FRMD4A: variants seen among roughly 807,000 people sequenced by gnomAD.
FRMD4A encodes FERM domain containing 4A.
A neutral mutation model predicts 129.1 loss-of-function variants in FRMD4A; 29 were observed. That is an observed-to-expected ratio of 0.22 (90% CI 0.17 to 0.31). The LOEUF (loss-of-function observed/expected upper bound fraction) is 0.31. FRMD4A is among the 10% of genes least tolerant of loss of function. FRMD4A has a pLI of 1.00. For synonymous variants in FRMD4A, 634 were observed against 571.6 expected, an observed-to-expected ratio of 1.11 and a Z score of -1.56; for missense variants, 1,272 against 1,375.8, an observed-to-expected ratio of 0.92 and a Z score of 1.19.
chr10:13,968,197 C>T (rs58390027), intron 2 of FRMD4A, among the ~76,000 whole-genome samples: 56,287 of 152,026 alleles, frequency 0.37, 12,727 homozygotes, highest in Non-Finnish European at 0.52. Context: ...AAATCAGAAC[C>T]GCTGGGAGTC....
At chr10:13,700,940 G>A (rs902693299) in intron 14 of FRMD4A, among the ~76,000 whole-genome samples, 1 of 146,768 alleles carries the variant, frequency 6.8e-6, no homozygotes, top group African/African-American at 2.5e-5. Flanking sequence ...CAGTTAGGTG[G>A]TGTCTATTCG....
chr10:14,083,594 A>G (rs889200251), intron 2 of FRMD4A: 3 of 152,318 alleles, frequency 2.0e-5, no homozygotes, highest in Non-Finnish European at 1.5e-5. Context: ...GTCAGTCTGT[A>G]TTCACACCTA....
chr10:13,884,103 AAC>A (rs57338480), intron 2 of FRMD4A, among the ~76,000 whole-genome samples: 1,931 of 105,670 alleles, frequency 0.018, 86 homozygotes, highest in East Asian at 0.1. Context: ...ATGGAAAAGA[AAC>A]ACACACACAC....
At chr10:13,669,945 T>C (rs1039696651) in intron 17 of FRMD4A, among the ~76,000 whole-genome samples, 3 of 152,198 alleles carry the variant, frequency 2.0e-5, no homozygotes, top group Admixed American at 1.3e-4. Context: ...CAGGTGAGGC[T>C]ATGACCACGG....
At chr10:14,111,922 T>TGGAAGGAA (rs1187520093) in intron 2 of FRMD4A, among the ~76,000 whole-genome samples, 4 of 130,430 alleles carry the variant, frequency 3.1e-5, no homozygotes, top group African/African-American at 1.2e-4. Flanking sequence ...TCCATGATTA[T>TGGAAGGAA]GGAAGGAAGG....
At chr10:14,138,418 C>A (rs565173556) in intron 2 of FRMD4A, among the ~76,000 whole-genome samples, 3 of 152,154 alleles carry the variant, frequency 2.0e-5, no homozygotes, top group Admixed American at 1.3e-4. Flanking sequence ...ATAAATTCAA[C>A]CTGCTTTACT....
At chr10:13,778,935 G>A (rs1470673409) in intron 6 of FRMD4A, among the ~76,000 whole-genome samples, 1 of 152,134 alleles carries the variant, frequency 6.6e-6, no homozygotes, top group African/African-American at 2.4e-5. Context: ...TTCTGCATGT[G>A]TATCCCAGAA....
intron 2 of FRMD4A, among the ~76,000 whole-genome samples, chr10:14,004,984 C>T (rs934339797): frequency 6.6e-6 from 1 of 151,890 alleles, no homozygotes; most frequent in African/African-American, 2.4e-5. Flanking sequence ...TCTCTCCTCC[C>T]ATACCAAACG....
chr10:13,864,260 T>A (rs1175521412), intron 2 of FRMD4A, among the ~76,000 whole-genome samples: 2 of 147,228 alleles, frequency 1.4e-5, no homozygotes, highest in African/African-American at 5.0e-5. Context: ...CCTCCCAAAG[T>A]GCTAGGATTA....
intron 5 of FRMD4A, among the ~76,000 whole-genome samples, chr10:13,784,179 G>A (rs2092800308): frequency 6.6e-6 from 1 of 152,116 alleles, no homozygotes; most frequent in South Asian, 2.1e-4. Context: ...GAAGAAACAA[G>A]TACTACAGTT....
chr10:13,730,859 C>CAAAAAAAAAAAA (rs10639026), intron 12 of FRMD4A, among the ~76,000 whole-genome samples: 8 of 90,826 alleles, frequency 8.8e-5, no homozygotes, highest in African/African-American at 2.5e-4. Context: ...ACTAAAAATA[C>CAAAAAAAAAAAA]AAAAAAAAAA....
chr10:14,307,505 C>T (rs762586262), intron 2 of FRMD4A, among the ~76,000 whole-genome samples: 1 of 152,202 alleles, frequency 6.6e-6, no homozygotes, highest in Non-Finnish European at 1.5e-5. Flanking sequence ...TTTAATTCCA[C>T]ACCATCCAGA....
chr10:14,319,572 T>C (rs1326745173), intron 2 of FRMD4A, among the ~76,000 whole-genome samples: 2 of 152,178 alleles, frequency 1.3e-5, no homozygotes, highest in East Asian at 1.9e-4. Context: ...GCACATTCAA[T>C]GTGAAGAAAA....
chr10:13,805,719 C>T (rs2093346931), intron 4 of FRMD4A, among the ~76,000 whole-genome samples: 2 of 152,116 alleles, frequency 1.3e-5, no homozygotes, highest in Admixed American at 6.5e-5. Flanking sequence ...GACGAGGTCT[C>T]ACTCTGTCAC....
intron 2 of FRMD4A, among the ~76,000 whole-genome samples, chr10:13,954,169 A>C (rs1028930764): frequency 6.6e-6 from 1 of 152,082 alleles, no homozygotes; most frequent in Non-Finnish European, 1.5e-5. Flanking sequence ...GAAATAAACA[A>C]AAGGAGAGTC....
chr10:14,043,368 T>C lies in FRMD4A; in HGVS notation c.46-184456A>G, dbSNP rs2447020. ...CAAAGGAAATGTCTGAGAATGTGTA[T>C]TTATATTTTATAACAAGATTAAATC... On this transcript the variant is annotated intron_variant, in intron 2 of 24. Transcript: ENST00000357447. 5.9e-3 allele frequency among the ~76,000 whole-genome samples: 892 copies of C among 152,332 alleles called. 11 individuals carry two copies. The highest frequency in any genetic ancestry group is 0.021 in the African/African-American group (859 of 41,572).
intron 6 of FRMD4A, among the ~76,000 whole-genome samples, chr10:13,773,967 C>T (rs578077272): frequency 3.3e-5 from 5 of 152,330 alleles, no homozygotes; most frequent in South Asian, 4.1e-4. Flanking sequence ...GAACACGCAA[C>T]GTTCCAGGCA....
In FRMD4A at chr10:13,786,124, C is replaced by T. The variant is rs541623058; in HGVS notation, c.300-3118G>A. Among the ~76,000 whole-genome samples, 1,363 of 152,210 alleles carry T rather than the reference C, an allele frequency of 9.0e-3. 23 individuals carry two copies. Among genetic ancestry groups the T allele is most frequent in the African/African-American group, 0.031 (1,288 of 41,512 alleles). ...TATAGCAGCATGATTTATAATCCTT[C>T]AGGTATATACCCAGTAATGGGATGG... On this transcript the variant is annotated intron_variant, in intron 5 of 24. Transcript: ENST00000357447.
At chr10:14,031,203 C>G (rs1484884355) in intron 2 of FRMD4A, among the ~76,000 whole-genome samples, 1 of 152,036 alleles carries the variant, frequency 6.6e-6, no homozygotes, top group Non-Finnish European at 1.5e-5. Context: ...CATTTGTTTG[C>G]TAGGGTTCAA....
Sources: gnomAD v4.1 joint callset for allele counts (sites outside exome capture counted in the v4.1 genomes callset) on GRCh38, gnomAD v4.1.1 for gene constraint, MANE v1.5 for transcripts, NCBI Gene and HGNC (gene_info 2026-07-23, HGNC 2026-07-21) for gene names.